The following TGFBR1 variants were observed in gnomAD, a reference collection of about 807,000 sequenced individuals.
TGFBR1 encodes TGF-beta receptor type-1.
TGFBR1 carries 20 observed loss-of-function variants against 55.1 expected under a neutral mutation model. The ratio of observed to expected loss-of-function variants is 0.36; its 90% CI spans 0.26 to 0.53. The LOEUF is 0.53. TGFBR1 is among the 20% of genes least tolerant of loss of function. The pLI is 0.91. For synonymous variants in TGFBR1, 220 were observed against 214.8 expected (o/e 1.02, Z -0.21); for missense variants, 385 against 617.6 (o/e 0.62, Z 3.99).
At chr9:99,113,594 G>C (rs993251228) in intron 1 of TGFBR1, among the ~76,000 whole-genome samples, 2 of 152,210 alleles carry the variant, frequency 1.3e-5, no homozygotes, top group Non-Finnish European at 2.9e-5. Context: ...CTTTTCAAAA[G>C]AGGATAGTTC....
chr9:99,147,579 C>G, intron 7 of TGFBR1, 75 bp from the exon 8 acceptor site: 1 of 1,391,516 alleles, frequency 7.2e-7, no homozygotes. Context: ...TAATAGGTCT[C>G]TCAGGTGATC....
At chr9:99,111,791 A>G (rs1256356027) in intron 1 of TGFBR1, among the ~76,000 whole-genome samples, 1 of 152,220 alleles carries the variant, frequency 6.6e-6, no homozygotes, top group Non-Finnish European at 1.5e-5. Flanking sequence ...ATTCTTAGCA[A>G]ATATTTAGTA....
chr9:99,138,687 G>A (rs973185738), intron 4 of TGFBR1, among the ~76,000 whole-genome samples: 7 of 152,214 alleles, frequency 4.6e-5, no homozygotes, highest in African/African-American at 1.7e-4. Context: ...TGCTGAAGAA[G>A]GAAGGAAGCC....
intron 5 of TGFBR1, among the ~76,000 whole-genome samples, chr9:99,142,904 A>C (rs1486495475): frequency 6.6e-6 from 1 of 152,050 alleles, no homozygotes; most frequent in East Asian, 1.9e-4. Context: ...ACCAACATAC[A>C]AAAAATTAGT....
intron 1 of TGFBR1, among the ~76,000 whole-genome samples, chr9:99,121,194 C>A (rs188972439): frequency 4.6e-5 from 7 of 152,216 alleles, no homozygotes; most frequent in Admixed American, 2.0e-4. Context: ...GAAATATTAT[C>A]TGGACTAGAG....
chr9:99,149,148 G>A (rs2118853948), intron 8 of TGFBR1, 32 bp from the exon 9 acceptor site: 4 of 1,554,460 alleles, frequency 2.6e-6, no homozygotes, highest in Non-Finnish European at 3.5e-6. Context: ...AATGGTGCAT[G>A]CATTAATTTT....
At chr9:99,117,721 C>T (rs118078442) in intron 1 of TGFBR1, among the ~76,000 whole-genome samples, 3,229 of 152,220 alleles carry the variant, frequency 0.021, 57 homozygotes, top group Non-Finnish European at 0.029. Context: ...GTGCCATTAC[C>T]ATACTGTCTT....
At chr9:99,137,154 T>TA (rs1827462175) in intron 3 of TGFBR1, among the ~76,000 whole-genome samples, 1 of 152,222 alleles carries the variant, frequency 6.6e-6, no homozygotes, top group Non-Finnish European at 1.5e-5. Context: ...TTCTTCAAGA[T>TA]ACTAGTGTTG....
chr9:99,105,335 G>T, intron 1 of TGFBR1, 33 bp downstream of exon 1: 1 of 980,592 alleles, frequency 1.0e-6, no homozygotes, highest in Non-Finnish European at 1.2e-6. Flanking sequence ...GGCGACTGCG[G>T]GGCGCGCGGG....
Position 99,153,489 on chromosome 9 carries a change from CAT to C in TGFBR1, c.*4186_*4187del. 1 of 202,198 alleles carries C rather than the reference CAT, an allele frequency of 4.9e-6. No individual in the cohort carries two copies. The highest frequency in any genetic ancestry group is 7.6e-5 in the East Asian group (1 of 13,088). 12.5% of individuals were successfully genotyped at this position (202,198 alleles called of 1,614,324 possible). A position where few individuals can be genotyped will look rare whatever the true frequency, so the allele number is the denominator to read the frequency against. On this transcript the variant is annotated 3_prime_UTR_variant, in exon 9 of 9. Transcript: ENST00000374994. The stretch of plus-strand genomic sequence containing the variant: ...GAAGCCTGTAAAGAGGAGAAAAAAA[CAT>C]AAGCTGTGTTTCCCCATAAGTTTTT...
At chr9:99,120,889 G>C (rs909069271) in intron 1 of TGFBR1, among the ~76,000 whole-genome samples, 9 of 152,266 alleles carry the variant, frequency 5.9e-5, no homozygotes, top group African/African-American at 2.2e-4. Context: ...GAAAGCCTTT[G>C]TATTAGTTAC....
At position 99,151,385 on chromosome 9, in the gene TGFBR1, G is replaced by GTTTTTTTTTTTTTT. The variant is rs1564182997; in HGVS notation, c.*2080_*2081insTTTTTTTTTTTTTT. On this transcript the variant is annotated 3_prime_UTR_variant, in exon 9 of 9. Transcript: ENST00000374994. Reference sequence around the variant, plus strand: ...TGTGATCAGGTACTTTTTTTGTGGGGGTTTTTTTTTTGTTTTTTTTTTTTT... The same window carrying GTTTTTTTTTTTTTT: ...TGTGATCAGGTACTTTTTTTGTGGGGTTTTTTTTTTTTTTGTTTTTTTTTTGTTTTTTTTTTTTT... The GTTTTTTTTTTTTTT allele has an allele frequency of 9.1e-6, 2 of 220,082 alleles. No individual in the cohort carries two copies. The highest frequency in any genetic ancestry group is 4.8e-5 in the African/African-American group (2 of 41,806). 13.6% of individuals were successfully genotyped at this position (220,082 alleles called of 1,614,324 possible). A position where few individuals can be genotyped will look rare whatever the true frequency, so the allele number is the denominator to read the frequency against.
chr9:99,123,461 A>C (rs1196827064), intron 1 of TGFBR1, among the ~76,000 whole-genome samples: 3 of 152,062 alleles, frequency 2.0e-5, no homozygotes, highest in Non-Finnish European at 4.4e-5. Flanking sequence ...GTAGGAGTCT[A>C]AACCAAATCA....
At chr9:99,127,809 C>G (rs1588574836) in intron 1 of TGFBR1, 1 of 401,874 alleles carries the variant, frequency 2.5e-6, no homozygotes, top group Admixed American at 2.8e-5. Context: ...CATGTCTGTG[C>G]TTTGCAATTT....
chr9:99,110,271 G>A (rs1588559600), intron 1 of TGFBR1, among the ~76,000 whole-genome samples: 2 of 152,036 alleles, frequency 1.3e-5, no homozygotes, highest in Non-Finnish European at 2.9e-5. Context: ...ATACACACAG[G>A]TTGCTTTGAA....
chr9:99,111,488 A>G (rs550511607), intron 1 of TGFBR1, among the ~76,000 whole-genome samples: 1 of 151,802 alleles, frequency 6.6e-6, no homozygotes, highest in African/African-American at 2.4e-5. Context: ...AATTAGCTGG[A>G]CGTAGTGGCA....
rs760079636 is a variant in TGFBR1, at chr9:99,142,664, G to A, written c.934G>A (p.Gly312Ser). 3 of 1,613,894 alleles carry A rather than the reference G, an allele frequency of 1.9e-6. No individual in the cohort carries two copies. The highest frequency in any genetic ancestry group is 8.5e-7 in the Non-Finnish European group (1 of 1,179,940). ...AAAACTTGCTCTGTCCACGGCGAGCGGTCTTGCCCATCTTCACATGGAGAT... is the reference window on the plus strand; with the variant it reads ...AAAACTTGCTCTGTCCACGGCGAGCAGTCTTGCCCATCTTCACATGGAGAT... Reference protein sequence around the residue: ...MIKLALSTASGLAHLHMEIVG... With the variant: ...MIKLALSTASSLAHLHMEIVG... The change falls in exon 5 of 9, where the codon GGT becomes AGT. Residue 312 changes from glycine (G) to serine (S), a missense_variant. Gly to Ser is a moderately conservative substitution (Grantham distance 56). Around this residue, in one of 5 missense-constraint regions of TGFBR1, gnomAD observed 85 missense variants for 228.4 expected, o/e 0.37. Coordinates refer to ENST00000374994, the MANE Select transcript of TGFBR1 (RefSeq NM_004612.4).
intron 1 of TGFBR1, among the ~76,000 whole-genome samples, chr9:99,116,886 A>C (rs1050160106): frequency 6.6e-6 from 1 of 152,210 alleles, no homozygotes; most frequent in Non-Finnish European, 1.5e-5. Context: ...AGTCAACACT[A>C]GATGCTTATA....
In TGFBR1 at chr9:99,105,255, TGGCGGCGGCGGC is replaced by T. The variant is rs11466445; in HGVS notation, c.67_78del (p.Ala23_Ala26del). The T allele has an allele frequency of 7.8e-5, 81 of 1,043,432 alleles. No homozygotes were observed. The highest frequency in any genetic ancestry group is 4.5e-4 in the Middle Eastern group (1 of 2,218). The allele number at this position is 1,043,432 out of a possible 1,614,324, so 64.6% of individuals were successfully genotyped here. On this transcript the variant is annotated inframe_deletion, in exon 1 of 9. Coordinates refer to ENST00000374994, the MANE Select transcript of TGFBR1 (RefSeq NM_004612.4). Reference sequence around the variant, plus strand: ...CGTCCCCGGCTGCTCCTCCTCGTGCTGGCGGCGGCGGCGGCGGCGGCGGCGGCGCTGCTCCCG... The same window carrying T: ...CGTCCCCGGCTGCTCCTCCTCGTGCTGGCGGCGGCGGCGGCGCTGCTCCCG...
Sources: allele counts gnomAD v4.1 joint callset (sites outside exome capture counted in the v4.1 genomes callset), GRCh38; gene constraint gnomAD v4.1.1; regional missense constraint gnomAD v4.1.1; transcripts MANE v1.5; gene names NCBI Gene and HGNC (gene_info 2026-07-23, HGNC 2026-07-21).